The following CDH4 variants were observed in gnomAD, a reference collection of about 807,000 sequenced individuals.
CDH4 encodes the protein cadherin 4, also known as cadherin-4.
CDH4 carries 33 observed loss-of-function variants against 86.0 expected under a neutral mutation model. That is an observed-to-expected ratio of 0.38 (90% CI 0.29 to 0.51). The LOEUF (loss-of-function observed/expected upper bound fraction) is 0.51, where lower values mean the gene tolerates loss of function less well. CDH4 is among the 20% of genes least tolerant of loss of function. The pLI is 0.86. For missense variants in CDH4, 1,114 were observed against 1,307.4 expected (o/e 0.85, Z 2.28); for synonymous variants, 555 against 549.4 (o/e 1.01, Z -0.14).
intron 2 of CDH4, among the ~76,000 whole-genome samples, chr20:61,665,360 A>G (rs2087311288): frequency 6.6e-6 from 1 of 152,220 alleles, no homozygotes; most frequent in Non-Finnish European, 1.5e-5. Flanking sequence ...GAAATGGCAT[A>G]CCCAACAATT....
At chr20:61,434,642 G>A (rs1018300591) in intron 2 of CDH4, 24 of 152,120 alleles carry the variant, frequency 1.6e-4, no homozygotes, top group African/African-American at 5.3e-4. Flanking sequence ...GCACATTAGC[G>A]AGCTTCATAA....
At chr20:61,317,131 C>T (rs1223495668) in intron 2 of CDH4, among the ~76,000 whole-genome samples, 2 of 152,036 alleles carry the variant, frequency 1.3e-5, no homozygotes, top group African/African-American at 4.8e-5. Flanking sequence ...GTGATCCCGG[C>T]ACTTTGGGAG....
At chr20:61,476,701 A>G (rs2085538373) in intron 2 of CDH4, among the ~76,000 whole-genome samples, 1 of 152,240 alleles carries the variant, frequency 6.6e-6, no homozygotes, top group South Asian at 2.1e-4. Flanking sequence ...GAGACCAGCC[A>G]GTGATTTTCA....
chr20:61,936,700 G>C (rs745392314), intron 15 of CDH4, 37 bp from the exon 16 acceptor site: 7 of 1,452,668 alleles, frequency 4.8e-6, no homozygotes, highest in African/African-American at 2.9e-5. Context: ...CTGAGACAAC[G>C]CGTCCTGCAC....
chr20:61,404,618 T>C (rs547790608), intron 2 of CDH4, among the ~76,000 whole-genome samples: 75 of 152,220 alleles, frequency 4.9e-4, no homozygotes, highest in African/African-American at 1.6e-3. Flanking sequence ...AATTGCATTC[T>C]GTTTTCTTAA....
intron 6 of CDH4, among the ~76,000 whole-genome samples, chr20:61,854,423 A>G (rs1982888734): frequency 7.3e-6 from 1 of 137,830 alleles, no homozygotes; most frequent in Non-Finnish European, 1.6e-5. Context: ...GGCCTGCCCC[A>G]GGGCTGCAGT....
At chr20:61,511,806 T>TG (rs1217256266) in intron 2 of CDH4, among the ~76,000 whole-genome samples, 5 of 152,208 alleles carry the variant, frequency 3.3e-5, no homozygotes, top group African/African-American at 1.2e-4. Flanking sequence ...TCCCATATCT[T>TG]GGTCCTCAGC....
Position 61,791,936 on chromosome 20 carries a change from G to A in CDH4, c.576+18754G>A, listed in dbSNP as rs185200094. Among the ~76,000 whole-genome samples, 1,260 of 152,026 alleles carry A rather than the reference G, an allele frequency of 8.3e-3. 11 individuals carry two copies. Among genetic ancestry groups the A allele is most frequent in the Non-Finnish European group, 0.013 (883 of 67,896 alleles). Reference sequence around the variant, plus strand: ...GGGGAGGGCAGGAGCAGGTCCCAGGGCCCCCAGCCAGTAGGAGGTTGGGTG... The same window carrying A: ...GGGGAGGGCAGGAGCAGGTCCCAGGACCCCCAGCCAGTAGGAGGTTGGGTG... On this transcript the variant is annotated intron_variant, in intron 4 of 15. Transcript: ENST00000614565.
intron 7 of CDH4, among the ~76,000 whole-genome samples, chr20:61,883,832 T>A (rs545354680): frequency 3.4e-4 from 52 of 152,296 alleles, no homozygotes; most frequent in African/African-American, 1.2e-3. Flanking sequence ...CAGCAGTCAT[T>A]CCTGGCAGCT....
At chr20:61,825,961 G>A (rs1324190559) in intron 4 of CDH4, among the ~76,000 whole-genome samples, 3 of 152,076 alleles carry the variant, frequency 2.0e-5, no homozygotes, top group Admixed American at 1.3e-4. Context: ...TGTACCTTCC[G>A]AACAGATCTA....
chr20:61,756,717 C>T (rs1007883788), intron 3 of CDH4, among the ~76,000 whole-genome samples: 1 of 152,162 alleles, frequency 6.6e-6, no homozygotes, highest in African/African-American at 2.4e-5. Context: ...CCGTGAGTTC[C>T]CCAGGGCTGG....
intron 4 of CDH4, among the ~76,000 whole-genome samples, chr20:61,797,991 A>G (rs1979624853): frequency 6.6e-6 from 1 of 152,104 alleles, no homozygotes; most frequent in Non-Finnish European, 1.5e-5. Flanking sequence ...GAGTTTTTCT[A>G]GAGAAAGCCA....
chr20:61,595,223 C>T (rs2086547663), intron 2 of CDH4, among the ~76,000 whole-genome samples: 1 of 152,244 alleles, frequency 6.6e-6, no homozygotes, highest in African/African-American at 2.4e-5. Context: ...CTGGGTATGT[C>T]CTACCCAGCC....
chr20:61,470,867 C>T (rs568480420), intron 2 of CDH4, among the ~76,000 whole-genome samples: 4 of 152,176 alleles, frequency 2.6e-5, no homozygotes, highest in African/African-American at 4.8e-5. Flanking sequence ...GAACCATCTT[C>T]GCATCCCTGG....
chr20:61,712,417 G>A (rs1244191091), intron 2 of CDH4, among the ~76,000 whole-genome samples: 2 of 152,174 alleles, frequency 1.3e-5, no homozygotes, highest in Non-Finnish European at 2.9e-5. Context: ...GGCCAACAGT[G>A]TTGATCCAGA....
chr20:61,861,708 G>T (rs950905409), intron 6 of CDH4, among the ~76,000 whole-genome samples: 1 of 152,162 alleles, frequency 6.6e-6, no homozygotes. Context: ...TTCTCACCAC[G>T]TTGTCACGAG....
At chr20:61,896,743 C>T (rs974967728) in intron 8 of CDH4, among the ~76,000 whole-genome samples, 15 of 152,218 alleles carry the variant, frequency 9.9e-5, no homozygotes, top group African/African-American at 3.4e-4. Context: ...AGGAAAAGCT[C>T]AGGGCCAGGC....
chr20:61,831,071 T>G (rs2146081488), intron 4 of CDH4, among the ~76,000 whole-genome samples: 1 of 152,142 alleles, frequency 6.6e-6, no homozygotes, highest in African/African-American at 2.4e-5. Flanking sequence ...TACCCTCAAC[T>G]CTTGGGGGAG....
intron 2 of CDH4, among the ~76,000 whole-genome samples, chr20:61,429,766 G>T (rs183868122): frequency 1.3e-5 from 2 of 151,812 alleles, no homozygotes; most frequent in East Asian, 3.9e-4. Context: ...TGGATGGATG[G>T]ATGGATGGAT....
Sources: allele counts gnomAD v4.1 joint callset (sites outside exome capture counted in the v4.1 genomes callset), GRCh38; gene constraint gnomAD v4.1.1; transcripts MANE v1.5; gene names NCBI Gene and HGNC (gene_info 2026-07-23, HGNC 2026-07-21).